Variants in ABTB3 observed in about 807,000 individuals in gnomAD.
The protein encoded by ABTB3 is ankyrin repeat- and BTB/POZ domain-containing protein 3.
At chr12:107,320,384 G>A in the ABTB3 span, among the ~76,000 whole-genome samples, 1 of 152,210 alleles carries the variant, frequency 6.6e-6, no homozygotes, top group Non-Finnish European at 1.5e-5. Context: ...TTTGGAGCAG[G>A]GTTGAGATCA....
At chr12:107,328,740 G>A in the ABTB3 span, among the ~76,000 whole-genome samples, 2 of 152,204 alleles carry the variant, frequency 1.3e-5, no homozygotes, top group Non-Finnish European at 2.9e-5. Flanking sequence ...GGTTGAGTTG[G>A]GACTTGGGCT....
At chr12:107,347,050 A>G in the ABTB3 span, among the ~76,000 whole-genome samples, 1 of 152,210 alleles carries the variant, frequency 6.6e-6, no homozygotes, top group Non-Finnish European at 1.5e-5. Context: ...AAAGTCTTCC[A>G]TTTAGAGCAG....
the ABTB3 span, among the ~76,000 whole-genome samples, chr12:107,392,563 C>T: frequency 1.3e-5 from 2 of 152,152 alleles, no homozygotes; most frequent in Non-Finnish European, 2.9e-5. Context: ...AGAGTGGGAC[C>T]CTCTCTTTGC....
chr12:107,605,903 T>A, the ABTB3 span, among the ~76,000 whole-genome samples: 1 of 152,200 alleles, frequency 6.6e-6, no homozygotes, highest in Non-Finnish European at 1.5e-5. Context: ...GAGAAAAGGT[T>A]CTGGCCTTAG....
the ABTB3 span, among the ~76,000 whole-genome samples, chr12:107,377,966 A>G: frequency 6.6e-6 from 1 of 152,234 alleles, no homozygotes; most frequent in South Asian, 2.1e-4. Context: ...TGGGAAGAAG[A>G]TAAGTGAATC....
At chr12:107,342,994 G>C in the ABTB3 span, among the ~76,000 whole-genome samples, 1 of 152,118 alleles carries the variant, frequency 6.6e-6, no homozygotes, top group Non-Finnish European at 1.5e-5. Flanking sequence ...GGCAGGGTTT[G>C]AATCTTTCAG....
At chr12:107,437,047 T>C in the ABTB3 span, among the ~76,000 whole-genome samples, 1 of 152,078 alleles carries the variant, frequency 6.6e-6, no homozygotes, top group Non-Finnish European at 1.5e-5. Context: ...CTTGAACTCC[T>C]AGGGGCCCAT....
the ABTB3 span, among the ~76,000 whole-genome samples, chr12:107,537,250 T>C: frequency 2.0e-5 from 3 of 152,064 alleles, no homozygotes; most frequent in East Asian, 5.8e-4. Context: ...GATTAGAGGA[T>C]AGGAAGAGGT....
chr12:107,539,894 G>A, the ABTB3 span, among the ~76,000 whole-genome samples: 11 of 152,132 alleles, frequency 7.2e-5, no homozygotes, highest in Admixed American at 2.6e-4. Context: ...AGTTCCCCAC[G>A]TTTTCCATCT....
At chr12:107,574,742 A>AATGCAG in the ABTB3 span, among the ~76,000 whole-genome samples, 1 of 152,188 alleles carries the variant, frequency 6.6e-6, no homozygotes, top group Non-Finnish European at 1.5e-5. Flanking sequence ...GAAAGAAAGA[A>AATGCAG]ATGCAGAATC....
At chr12:107,642,720 T>TTAGGGAA in the ABTB3 span, among the ~76,000 whole-genome samples, 2 of 152,086 alleles carry the variant, frequency 1.3e-5, no homozygotes, top group African/African-American at 4.8e-5. Context: ...CTGCTGTACT[T>TTAGGGAA]TAGGGAATTT....
At chr12:107,506,848 G>A in the ABTB3 span, among the ~76,000 whole-genome samples, 1 of 152,172 alleles carries the variant, frequency 6.6e-6, no homozygotes, top group South Asian at 2.1e-4. Context: ...TGATGCATGA[G>A]AATACATAGA....
the ABTB3 span, among the ~76,000 whole-genome samples, chr12:107,330,653 G>A: frequency 1.3e-5 from 2 of 152,136 alleles, no homozygotes; most frequent in African/African-American, 4.8e-5. Context: ...CAGGTTTCTG[G>A]ATTTTTAGAG....
the ABTB3 span, among the ~76,000 whole-genome samples, chr12:107,481,920 TC>T: frequency 2.0e-5 from 3 of 148,150 alleles, no homozygotes; most frequent in Admixed American, 6.7e-5. Flanking sequence ...TCTCTCTCTC[TC>T]TCTCTCTTTC....
chr12:107,562,604 G>A, the ABTB3 span, among the ~76,000 whole-genome samples: 1 of 152,170 alleles, frequency 6.6e-6, no homozygotes, highest in Non-Finnish European at 1.5e-5. Context: ...GCCTGCAAAG[G>A]GACCTGATTT....
At chr12:107,412,391 G>C in the ABTB3 span, among the ~76,000 whole-genome samples, 1 of 152,192 alleles carries the variant, frequency 6.6e-6, no homozygotes, top group Non-Finnish European at 1.5e-5. Context: ...ATCCAAGCAG[G>C]ACACATTAGT....
At chr12:107,521,105 G>A in the ABTB3 span, among the ~76,000 whole-genome samples, 11 of 152,296 alleles carry the variant, frequency 7.2e-5, no homozygotes, top group South Asian at 1.9e-3. Context: ...TATTCAGGGG[G>A]CTAAAGGAGG....
chr12:107,387,340 G>A, the ABTB3 span, among the ~76,000 whole-genome samples: 7 of 152,260 alleles, frequency 4.6e-5, no homozygotes, highest in Middle Eastern at 3.4e-3. Context: ...CTGCTCCTGC[G>A]GGTAAGTCTC....
the ABTB3 span, among the ~76,000 whole-genome samples, chr12:107,580,328 C>T: frequency 6.6e-6 from 1 of 152,240 alleles, no homozygotes. Context: ...CAGAGTTTAT[C>T]ATCACTGGAA....
Sources: gnomAD v4.1 joint callset for allele counts (sites outside exome capture counted in the v4.1 genomes callset) on GRCh38, gnomAD v4.1.1 for gene constraint, MANE v1.5 for transcripts, NCBI Gene and HGNC (gene_info 2026-07-23, HGNC 2026-07-21) for gene names.